COBLL1: variants seen among roughly 807,000 people sequenced by gnomAD.
The protein encoded by COBLL1 is cordon-bleu WH2 repeat protein like 1.
A neutral mutation model predicts 94.8 loss-of-function variants in COBLL1; 50 were observed. The observed-to-expected ratio is 0.53, with a 90% CI of 0.42 to 0.67. COBLL1 has a LOEUF of 0.67. Ranked by LOEUF, COBLL1 falls within the 30% of genes least tolerant of loss-of-function variation. The pLI is 0.00. For synonymous variants in COBLL1, 448 were observed against 473.8 expected (o/e 0.95, Z 0.71); for missense variants, 1,362 against 1,348.7 (o/e 1.01, Z -0.15).
chr2:164,802,161 T>C (rs1683842581), intron 2 of COBLL1, among the ~76,000 whole-genome samples: 1 of 152,202 alleles, frequency 6.6e-6, no homozygotes, highest in Non-Finnish European at 1.5e-5. Flanking sequence ...TCATAAATAA[T>C]TGCTAGTGAC....
chr2:164,779,786 C>A, intron 2 of COBLL1: 1 of 469,376 alleles, frequency 2.1e-6, no homozygotes, highest in Non-Finnish European at 4.4e-6. Flanking sequence ...ATAACTGAGC[C>A]TAGAGGGAAA....
intron 2 of COBLL1, among the ~76,000 whole-genome samples, chr2:164,770,750 C>T (rs1177828042): frequency 6.6e-6 from 1 of 152,098 alleles, no homozygotes; most frequent in Admixed American, 6.6e-5. Context: ...GAAACAAAGG[C>T]ATATATAACA....
intron 2 of COBLL1, among the ~76,000 whole-genome samples, chr2:164,764,336 A>C (rs968286691): frequency 5.8e-4 from 88 of 152,354 alleles, no homozygotes; most frequent in African/African-American, 2.0e-3. Flanking sequence ...TATTTCATAT[A>C]ATTGTAAAAT....
chr2:164,727,210 A>ACGG, intron 5 of COBLL1: 1 of 895,868 alleles, frequency 1.1e-6, no homozygotes. Flanking sequence ...CAAGTATAAA[A>ACGG]CATCACTGAG....
At position 164,722,219 on chromosome 2, in the gene COBLL1, G is replaced by T. The variant is rs773728094; in HGVS notation, c.852C>A (p.Thr284=). 6.2e-7 allele frequency: 1 copy of T among 1,614,054 alleles called. No homozygotes were observed. The highest frequency in any genetic ancestry group is 1.1e-5 in the South Asian group (1 of 91,078). Residue 284 remains threonine, a synonymous_variant, in exon 7 of 14, where the codon ACC becomes ACA. Coordinates refer to ENST00000652658, the MANE Select transcript of COBLL1 (RefSeq NM_001365672.2). ...TCTTCTTGGGTGCATCCGACGGCAGGGTGTTGGAAATATATGGTTTGGAAA... is the reference window on the plus strand; with the variant it reads ...TCTTCTTGGGTGCATCCGACGGCAGTGTGTTGGAAATATATGGTTTGGAAA... ...NTISKPYISN[T]LPSDAPKKRR...
At chr2:164,671,671 TG>T (rs373440284) in intron 1 of COBLL1, among the ~76,000 whole-genome samples, 39 of 152,230 alleles carry the variant, frequency 2.6e-4, no homozygotes, top group African/African-American at 8.9e-4. Context: ...CAGAGCTTTA[TG>T]AGGATAAGGA....
chr2:164,781,791 A>C (rs1688735104), intron 2 of COBLL1, among the ~76,000 whole-genome samples: 1 of 152,204 alleles, frequency 6.6e-6, no homozygotes, highest in Admixed American at 6.5e-5. Context: ...AAGACAAAAC[A>C]AAGCATAAAG....
chr2:164,761,263 C>G (rs1253293685), intron 2 of COBLL1: 4 of 152,120 alleles, frequency 2.6e-5, no homozygotes, highest in Non-Finnish European at 5.9e-5. Context: ...ACAAAATTAG[C>G]TGGGCATGGC....
At chr2:164,661,956 G>T (rs1691075815) in intron 2 of COBLL1, among the ~76,000 whole-genome samples, 1 of 152,042 alleles carries the variant, frequency 6.6e-6, no homozygotes, top group African/African-American at 2.4e-5. Context: ...GCTCTTTTGA[G>T]CTTCCTAATA....
chr2:164,805,319 C>CTATATA (rs1684048026), intron 2 of COBLL1, among the ~76,000 whole-genome samples: 1 of 35,960 alleles, frequency 2.8e-5, no homozygotes, highest in African/African-American at 1.1e-4. Flanking sequence ...CTCTCTCTCT[C>CTATATA]TCTCTCTCTC....
At chr2:164,714,278 T>C (rs1029588072) in intron 7 of COBLL1, among the ~76,000 whole-genome samples, 9 of 149,884 alleles carry the variant, frequency 6.0e-5, no homozygotes, top group African/African-American at 1.7e-4. Flanking sequence ...TGATAAAGTA[T>C]ATAAACTAAG....
At chr2:164,817,461 C>A (rs1053613253) in intron 2 of COBLL1, among the ~76,000 whole-genome samples, 1 of 151,438 alleles carries the variant, frequency 6.6e-6, no homozygotes, top group African/African-American at 2.4e-5. Context: ...CCTCTTTAGT[C>A]AACCACAATA....
chr2:164,722,330 G>T lies in COBLL1; in HGVS notation c.760-19C>A, dbSNP rs1574471614. The T allele has an allele frequency of 6.3e-7, 1 of 1,591,144 alleles. No individual in the cohort carries two copies. On this transcript the variant is annotated intron_variant, in intron 6 of 13. Transcript: ENST00000652658. ...TTGCAGTCTAGTAAAGAATGACAAA[G>T]ACAAAATCTAGTAATTTCAAGATAT...
intron 2 of COBLL1, among the ~76,000 whole-genome samples, chr2:164,793,193 T>G (rs1683277820): frequency 6.6e-6 from 1 of 152,142 alleles, no homozygotes; most frequent in Non-Finnish European, 1.5e-5. Flanking sequence ...TTATTCCTTG[T>G]GGAGTGACTT....
chr2:164,784,830 A>T (rs355904), intron 2 of COBLL1, among the ~76,000 whole-genome samples: 81,667 of 151,500 alleles, frequency 0.54, 24,117 homozygotes, highest in African/African-American at 0.79. Flanking sequence ...ATGTTTTTTT[A>T]AAAACAATTA....
At chr2:164,664,430 T>C (rs1691121032) in intron 2 of COBLL1, among the ~76,000 whole-genome samples, 1 of 152,234 alleles carries the variant, frequency 6.6e-6, no homozygotes, top group Non-Finnish European at 1.5e-5. Flanking sequence ...AAGTTCAATA[T>C]TATATTTCTT....
intron 2 of COBLL1, among the ~76,000 whole-genome samples, chr2:164,778,380 G>A (rs559721444): frequency 5.9e-5 from 9 of 152,306 alleles, no homozygotes; most frequent in Admixed American, 2.0e-4. Context: ...GCCGGGGCAG[G>A]CAGATCACTT....
intron 11 of COBLL1, chr2:164,698,383 CAATTATATATATATAT>C (rs1258538776): frequency 8.2e-6 from 1 of 122,612 alleles, no homozygotes; most frequent in African/African-American, 3.8e-5. Flanking sequence ...CACACACATA[CAATTATATATATATAT>C]AATTATATAT....
rs545166272 is a variant in COBLL1, at chr2:164,657,955, C to T, written n.182-4041G>A. ...AGAGTGAAGTAGAGTGAAAACAGAGCTCCCATACAAAGGGAGGGGACCCAA... is the reference window on the plus strand; with the variant it reads ...AGAGTGAAGTAGAGTGAAAACAGAGTTCCCATACAAAGGGAGGGGACCCAA... On this transcript the variant is annotated intron_variant and non_coding_transcript_variant, in intron 2 of 2. Transcript: ENST00000495084. Among the ~76,000 whole-genome samples, 3 of 151,690 alleles carry T rather than the reference C, an allele frequency of 2.0e-5. No homozygotes were observed. The East Asian group carries it at 5.8e-4, about 29-fold the overall frequency.
Sources: gnomAD v4.1 joint callset for allele counts (sites outside exome capture counted in the v4.1 genomes callset) on GRCh38, gnomAD v4.1.1 for gene constraint, MANE v1.5 for transcripts, NCBI Gene and HGNC (gene_info 2026-07-23, HGNC 2026-07-21) for gene names.